The following FRG1 variants were observed in gnomAD, a reference collection of about 807,000 sequenced individuals.
The protein encoded by FRG1 is FSHD region gene 1.
In FRG1, 19 loss-of-function variants were observed where a neutral mutation model predicts 37.0. The observed-to-expected ratio is 0.51, with a 90% CI of 0.36 to 0.75. The LOEUF (loss-of-function observed/expected upper bound fraction) is 0.75. FRG1 is among the 30% of genes least tolerant of loss of function. The pLI, the probability that FRG1 is intolerant of heterozygous loss-of-function variation, is 0.00. For missense variants in FRG1, 243 were observed against 301.4 expected (o/e 0.81, Z 1.44); for synonymous variants, 73 against 96.5 (o/e 0.76, Z 1.43).
chr4:189,962,047 A>G, intron 8 of FRG1, 115 bp downstream of exon 8: 1 of 673,266 alleles, frequency 1.5e-6, no homozygotes, highest in Non-Finnish European at 2.6e-6. Flanking sequence ...TTTATTTCTA[A>G]TTTATGAGTG....
At chr4:189,952,105 AAAG>A in intron 2 of FRG1, 54 bp from the exon 3 acceptor site, 10 of 1,316,528 alleles carry the variant, frequency 7.6e-6, no homozygotes, top group South Asian at 1.4e-5. Context: ...ATAACAAAAA[AAAG>A]AACTCTGTGT....
At position 189,943,286 on chromosome 4, in the gene FRG1, C is replaced by G; in HGVS notation, c.133+14C>G. The G allele has an allele frequency of 6.2e-7, 1 of 1,602,084 alleles. No individual in the cohort carries two copies. Among genetic ancestry groups the G allele is most frequent in the Non-Finnish European group, 8.5e-7 (1 of 1,176,312 alleles). ...TTGATATTGTTGGTGAGTCAGTTTT[C>G]AGTGCTCTATTCTGAAAAAAGTTAA... On this transcript the variant is annotated intron_variant, in intron 2 of 8. Coordinates refer to ENST00000226798, the MANE Select transcript of FRG1 (RefSeq NM_004477.3).
At chr4:189,945,596 T>C (rs998288834) in intron 2 of FRG1, among the ~76,000 whole-genome samples, 1 of 152,218 alleles carries the variant, frequency 6.6e-6, no homozygotes, top group Non-Finnish European at 1.5e-5. Context: ...TAAACCCCAC[T>C]TGGTTGTGGT....
rs200318987 is a variant in FRG1, at chr4:189,943,190, T to G, written c.63-12T>G. 6.4e-7 allele frequency: 1 copy of G among 1,567,108 alleles called. No individual in the cohort carries two copies. Among genetic ancestry groups the G allele is most frequent in the South Asian group, 1.2e-5 (1 of 85,156 alleles). ...TATACCTAAACTCGTCTATATAAAT[T>G]ATGTCCTGTAGTAAGAAGAAAAAGA... On this transcript the variant is annotated splice_polypyrimidine_tract_variant and intron_variant, in intron 1 of 8. Coordinates refer to ENST00000226798, the MANE Select transcript of FRG1 (RefSeq NM_004477.3).
In FRG1 at chr4:189,952,316, A is replaced by G. The variant is rs373815693; in HGVS notation, c.259+29A>G. ...TGTGTCTGGAAGGGAAGAGGCTGCC[A>G]CAAGTGTAGATTTTAGGACATTCAT... On this transcript the variant is annotated intron_variant, in intron 3 of 8. Transcript: ENST00000226798. 32 of 1,603,230 alleles carry G rather than the reference A, an allele frequency of 2.0e-5. No individual in the cohort carries two copies. The African/African-American group carries it at 3.9e-4, about 20-fold the overall frequency.
chr4:189,943,122 GA>G (rs1736387719), intron 1 of FRG1, 79 bp from the exon 2 acceptor site: 2 of 1,417,874 alleles, frequency 1.4e-6, no homozygotes, highest in African/African-American at 2.9e-5. Flanking sequence ...CAGCTTAAAA[GA>G]CTTTCAAGTT....
intron 2 of FRG1, among the ~76,000 whole-genome samples, chr4:189,945,856 A>G (rs1420342638): frequency 6.6e-6 from 1 of 152,076 alleles, no homozygotes; most frequent in African/African-American, 2.4e-5. Flanking sequence ...TACATGTTTG[A>G]TAGAATTCAC....
intron 8 of FRG1, among the ~76,000 whole-genome samples, chr4:189,962,452 A>T (rs1737276685): frequency 6.6e-6 from 1 of 152,196 alleles, no homozygotes; most frequent in African/African-American, 2.4e-5. Flanking sequence ...GACATAGAAA[A>T]ACAGAGACGT....
chr4:189,959,767 G>A (rs998030516), intron 6 of FRG1: 4 of 454,822 alleles, frequency 8.8e-6, no homozygotes, highest in Admixed American at 6.4e-5. Flanking sequence ...AGTTTTCTGG[G>A]TCTCTTTGGT....
intron 1 of FRG1, among the ~76,000 whole-genome samples, chr4:189,941,554 C>G (rs543273800): frequency 1.4e-4 from 21 of 152,250 alleles, no homozygotes; most frequent in East Asian, 7.7e-4. Flanking sequence ...CGAACCTGCA[C>G]TCTTGTCATT....
intron 2 of FRG1, 104 bp downstream of exon 2, chr4:189,943,376 C>T (rs974351672): frequency 7.9e-7 from 1 of 1,260,492 alleles, no homozygotes; most frequent in Non-Finnish European, 1.1e-6. Context: ...TCATATTTGT[C>T]TTAAAGTGCT....
intron 8 of FRG1, among the ~76,000 whole-genome samples, chr4:189,962,202 T>C (rs1224973328): frequency 6.6e-6 from 1 of 152,218 alleles, no homozygotes; most frequent in South Asian, 2.1e-4. Flanking sequence ...CATCTTTTTA[T>C]AACTATTAGA....
intron 2 of FRG1, among the ~76,000 whole-genome samples, chr4:189,950,307 C>T (rs1736700690): frequency 6.6e-6 from 1 of 152,198 alleles, no homozygotes; most frequent in African/African-American, 2.4e-5. Context: ...ATATTTTCTC[C>T]ATTCCCTGGG....
rs772043026 is a variant in FRG1 at position 189,961,880 on chromosome 4, A to G, written c.688A>G (p.Ile230Val). The stretch of plus-strand genomic sequence containing the variant: ...TAAAATAAGTAAAGAAGACAGTAAA[A>G]TTCTTAAAAAGGCTCGGAAAGATGG... ...KLKISKEDSK[I>V]LKKARKDGFL... Residue 230 changes from isoleucine to valine, a missense_variant, in exon 8 of 9, where the codon ATT becomes GTT. Coordinates refer to ENST00000226798, the MANE Select transcript of FRG1 (RefSeq NM_004477.3). The G allele has an allele frequency of 4.4e-6, 7 of 1,600,730 alleles. No homozygotes were observed. The East Asian group carries it at 1.6e-4, about 36-fold the overall frequency.
intron 2 of FRG1, among the ~76,000 whole-genome samples, chr4:189,944,159 T>G (rs1330165232): frequency 6.6e-6 from 1 of 152,182 alleles, no homozygotes; most frequent in Non-Finnish European, 1.5e-5. Flanking sequence ...CTTTTCAGTT[T>G]CTTAATGGTG....
chr4:189,954,234 A>G (rs1412875930), intron 4 of FRG1, among the ~76,000 whole-genome samples: 1 of 151,926 alleles, frequency 6.6e-6, no homozygotes. Context: ...TACAAAACAT[A>G]CTCTGTTAAT....
chr4:189,952,353 A>G (rs1220913490), intron 3 of FRG1, 66 bp downstream of exon 3: 13 of 1,419,468 alleles, frequency 9.2e-6, no homozygotes, highest in Non-Finnish European at 1.2e-5. Flanking sequence ...CACTTAGGCC[A>G]AACTCTAACT....
At chr4:189,948,776 G>A (rs796548443) in intron 2 of FRG1, among the ~76,000 whole-genome samples, 1 of 152,258 alleles carries the variant, frequency 6.6e-6, no homozygotes, top group Non-Finnish European at 1.5e-5. Context: ...GTGCACCCTC[G>A]ACCTCGTAGG....
In FRG1 at chr4:189,952,074, A is replaced by G. The variant is rs561389630; in HGVS notation, c.134-88A>G. The G allele has an allele frequency of 1.0e-3, 917 of 913,150 alleles. 2 individuals carry two copies. The highest frequency in any genetic ancestry group is 1.3e-3 in the Non-Finnish European group (807 of 607,422). The allele number at this position is 913,150 out of a possible 1,614,324, so 56.6% of individuals were successfully genotyped here. On this transcript the variant is annotated intron_variant, in intron 2 of 8. Coordinates refer to ENST00000226798, the MANE Select transcript of FRG1 (RefSeq NM_004477.3). ...TATTTCTTACAACTGCAAAATAAGA[A>G]GTTTTTAAAATTAAGTTATAATAAC...
Sources: gnomAD v4.1 joint callset for allele counts (sites outside exome capture counted in the v4.1 genomes callset) on GRCh38, gnomAD v4.1.1 for gene constraint, MANE v1.5 for transcripts, NCBI Gene and HGNC (gene_info 2026-07-23, HGNC 2026-07-21) for gene names.